The following P4HA1 variants were observed in gnomAD, a reference collection of about 807,000 sequenced individuals.
P4HA1 encodes prolyl 4-hydroxylase subunit alpha 1.
P4HA1 carries 24 observed loss-of-function variants against 72.8 expected under a neutral mutation model. The ratio of observed to expected loss-of-function variants is 0.33; its 90% CI spans 0.24 to 0.46. The LOEUF (loss-of-function observed/expected upper bound fraction) is 0.46, where lower values mean the gene tolerates loss of function less well. Ranked by LOEUF, P4HA1 falls within the 20% of genes least tolerant of loss-of-function variation. The probability of loss-of-function intolerance (pLI) is 1.00; values close to 1 mark genes in which losing one functional copy is unlikely to be tolerated. For synonymous variants in P4HA1, 201 were observed against 218.8 expected (o/e 0.92, Z 0.72); for missense variants, 446 against 640.6 (o/e 0.70, Z 3.28).
chr10:73,096,568 G>A (rs1045517913), intron 1 of P4HA1, among the ~76,000 whole-genome samples, 198 bp downstream of exon 1: 6 of 152,192 alleles, frequency 3.9e-5, no homozygotes, highest in African/African-American at 1.4e-4. Context: ...ACGAAGGAGC[G>A]CGGGCGCCGG....
intron 1 of P4HA1, among the ~76,000 whole-genome samples, chr10:73,089,256 G>A (rs1841979995): frequency 6.6e-6 from 1 of 152,094 alleles, no homozygotes; most frequent in South Asian, 2.1e-4. Flanking sequence ...TTCATTATTA[G>A]TATATAGAAA....
rs2133182732 is a variant in P4HA1 at position 73,096,822 on chromosome 10, G to A, written c.-89C>T. On this transcript the variant is annotated 5_prime_UTR_variant, in exon 1 of 15. Transcript: ENST00000394890. The stretch of plus-strand genomic sequence containing the variant: ...TTCAGCCCCCAGTCGCCTCCACTCG[G>A]AGCGGCTACTTCCTACCCTCAGCCC... 1 of 152,934 alleles carries A rather than the reference G, an allele frequency of 6.5e-6. No individual in the cohort carries two copies. The highest frequency in any genetic ancestry group is 1.5e-5 in the Non-Finnish European group (1 of 68,122). The allele number at this position is 152,934 out of a possible 1,614,324, so 9.5% of individuals were successfully genotyped here. A position where few individuals can be genotyped will look rare whatever the true frequency, so the allele number is the denominator to read the frequency against.
chr10:73,010,280 A>T (rs1274611215), intron 13 of P4HA1, among the ~76,000 whole-genome samples: 1 of 152,196 alleles, frequency 6.6e-6, no homozygotes, highest in East Asian at 1.9e-4. Flanking sequence ...TTTCAGCAGT[A>T]ATTTTCCCTT....
chr10:73,024,697 C>G (rs1840223514), intron 10 of P4HA1, among the ~76,000 whole-genome samples: 1 of 152,048 alleles, frequency 6.6e-6, no homozygotes, highest in Non-Finnish European at 1.5e-5. Context: ...TCAATGAATC[C>G]AGGAGCTGGT....
chr10:73,089,184 TTAAG>T (rs1159935152), intron 1 of P4HA1, among the ~76,000 whole-genome samples: 2 of 152,226 alleles, frequency 1.3e-5, no homozygotes, highest in Admixed American at 1.3e-4. Flanking sequence ...AAGTTAATAC[TTAAG>T]TATTTCATGG....
intron 10 of P4HA1, among the ~76,000 whole-genome samples, chr10:73,020,781 A>G (rs1474069233): frequency 1.3e-5 from 2 of 152,250 alleles, no homozygotes; most frequent in African/African-American, 4.8e-5. Flanking sequence ...AATTCACCAC[A>G]TAAACAGAAT....
chr10:73,079,602 C>A (rs1210858154), intron 1 of P4HA1, among the ~76,000 whole-genome samples: 1 of 152,046 alleles, frequency 6.6e-6, no homozygotes, highest in African/African-American at 2.4e-5. Flanking sequence ...ATTAGCCGGG[C>A]GTGGTGGCAG....
intron 4 of P4HA1, among the ~76,000 whole-genome samples, chr10:73,069,530 A>G (rs1207947002): frequency 1.3e-5 from 2 of 152,210 alleles, no homozygotes; most frequent in Non-Finnish European, 2.9e-5. Context: ...CAGCAAAGCT[A>G]GTTTACTAAA....
At chr10:73,023,340 T>G (rs1198785236) in intron 10 of P4HA1, among the ~76,000 whole-genome samples, 1 of 152,108 alleles carries the variant, frequency 6.6e-6, no homozygotes, top group Non-Finnish European at 1.5e-5. Flanking sequence ...GGGGCCAATA[T>G]TCAACATTCT....
intron 10 of P4HA1, among the ~76,000 whole-genome samples, chr10:73,018,633 G>C (rs1368168084): frequency 6.6e-6 from 1 of 151,962 alleles, no homozygotes; most frequent in Non-Finnish European, 1.5e-5. Context: ...GCCTCATCCA[G>C]GGCACCTCAT....
chr10:73,078,660 G>A (rs1841757702), intron 1 of P4HA1, among the ~76,000 whole-genome samples: 1 of 135,002 alleles, frequency 7.4e-6, no homozygotes, highest in Admixed American at 8.5e-5. Context: ...TGCCCAGGCT[G>A]GAGTGTAGTA....
chr10:73,071,187 G>A (rs1013014032), intron 4 of P4HA1: 2 of 137,352 alleles, frequency 1.5e-5, no homozygotes, highest in Admixed American at 7.1e-5. Context: ...GTGAGACCCT[G>A]TCTCCAAAAA....
rs148463687 is a variant in P4HA1 at position 73,038,294 on chromosome 10, C to T, written c.1148+6687G>A. Among the ~76,000 whole-genome samples, 61 of 152,118 alleles carry T rather than the reference C, an allele frequency of 4.0e-4. No individual in the cohort carries two copies. In the East Asian group the frequency reaches 0.011, roughly 27 times the overall value. On this transcript the variant is annotated intron_variant, in intron 9 of 14. Transcript: ENST00000394890. ...GTAAAATAAAATAAATAAATAAATA[C>T]ACACATATACATATATATCATGTTA...
At chr10:73,093,907 T>TATATATATATATATATACAC (rs1256283876) in intron 1 of P4HA1, among the ~76,000 whole-genome samples, 1 of 55,616 alleles carries the variant, frequency 1.8e-5, no homozygotes, top group African/African-American at 9.4e-5. Context: ...TATATATATA[T>TATATATATATATATATACAC]ACACACACAC....
At chr10:73,084,387 G>T (rs886792084) in intron 1 of P4HA1, among the ~76,000 whole-genome samples, 1 of 152,204 alleles carries the variant, frequency 6.6e-6, no homozygotes, top group Admixed American at 6.5e-5. Context: ...CGACCTCCAG[G>T]GCTCAAGTGA....
intron 11 of P4HA1, 86 bp from the exon 12 acceptor site, chr10:73,014,375 T>A (rs766199342): frequency 6.2e-6 from 6 of 969,958 alleles, no homozygotes; most frequent in Non-Finnish European, 8.2e-6. Flanking sequence ...AGTAGTAATA[T>A]CCTGAAGAAT....
rs747695846 is a variant in P4HA1 at position 73,010,951 on chromosome 10, C to A, written c.1437+18G>T. 1 of 1,603,206 alleles carries A rather than the reference C, an allele frequency of 6.2e-7. No individual in the cohort carries two copies. On this transcript the variant is annotated intron_variant, in intron 13 of 14. Transcript: ENST00000394890. ...AGGGAAAAAATTAATAAACCAAAAACAAAACAAACAGGCTTACTTTTTTGG... is the reference window on the plus strand; with the variant it reads ...AGGGAAAAAATTAATAAACCAAAAAAAAAACAAACAGGCTTACTTTTTTGG...
chr10:73,069,038 T>A, intron 4 of P4HA1, 55 bp from the exon 5 acceptor site: 1 of 1,275,434 alleles, frequency 7.8e-7, no homozygotes, highest in Non-Finnish European at 1.1e-6. Flanking sequence ...AAACTTCCCA[T>A]AAAGAGACTT....
chr10:73,073,220 CTTT>C (rs573264487), intron 3 of P4HA1, among the ~76,000 whole-genome samples: 14,732 of 115,718 alleles, frequency 0.13, 1,531 homozygotes, highest in African/African-American at 0.28. Context: ...CATCCATATT[CTTT>C]TTTTTTTTTT....
Sources: gnomAD v4.1 joint callset for allele counts (sites outside exome capture counted in the v4.1 genomes callset) on GRCh38, gnomAD v4.1.1 for gene constraint, MANE v1.5 for transcripts, NCBI Gene and HGNC (gene_info 2026-07-23, HGNC 2026-07-21) for gene names.